Variants in RRP36 observed in about 807,000 individuals in gnomAD.
The protein encoded by RRP36 is ribosomal RNA processing protein 36 homolog.
In RRP36, 44 loss-of-function variants were observed where a neutral mutation model predicts 39.8. The ratio of observed to expected loss-of-function variants is 1.10; its 90% CI spans 0.87 to 1.42. The LOEUF (loss-of-function observed/expected upper bound fraction) is 1.42, where lower values mean the gene tolerates loss of function less well. RRP36 is among the 40% of genes most tolerant of loss of function. RRP36 has a pLI of 0.00. For missense variants in RRP36, 316 were observed against 322.4 expected (o/e 0.98, Z 0.15); for synonymous variants, 124 against 123.1 (o/e 1.01, Z -0.05).
chr6:43,022,331 C>T (rs1380671768), intron 1 of RRP36, among the ~76,000 whole-genome samples: 1 of 152,056 alleles, frequency 6.6e-6, no homozygotes, highest in African/African-American at 2.4e-5. Context: ...ATCTCCTGAC[C>T]TCGTGATCCG....
Position 43,021,687 on chromosome 6 carries a change from G to T in RRP36, c.33G>T (p.Gly11=). The change falls in exon 1 of 7, where the codon GGG becomes GGT. Residue 11 remains glycine, a synonymous_variant. Transcript: ENST00000244496. MPGANYRAGA[G]AGAGARRPRG... ...GAGCTAACTACCGCGCCGGGGCCGG[G>T]GCCGGGGCCGGGGCCCGACGTCCCC... 4.9e-6 allele frequency: 6 copies of T among 1,237,078 alleles called. No homozygotes were observed. Among genetic ancestry groups the T allele is most frequent in the Admixed American group, 4.1e-5 (1 of 24,180 alleles). The allele number at this position is 1,237,078 out of a possible 1,614,324, so 76.6% of individuals were successfully genotyped here. A position where few individuals can be genotyped will look rare whatever the true frequency, so the allele number is the denominator to read the frequency against.
Position 43,025,242 on chromosome 6 carries a change from TGGCTTTTAATTTCTCCATA to T in RRP36, c.279-17_280del. 6.2e-7 allele frequency: 1 copy of T among 1,614,108 alleles called. No individual in the cohort carries two copies. Among genetic ancestry groups the T allele is most frequent in the Non-Finnish European group, 8.5e-7 (1 of 1,179,990 alleles). On this transcript the variant is annotated splice_acceptor_variant and splice_polypyrimidine_tract_variant and intron_variant, in intron 2 of 6. Coordinates refer to ENST00000244496, the MANE Select transcript of RRP36 (RefSeq NM_033112.4). LOFTEE classifies it high-confidence loss of function. ...GACCAACACTGGAGTCCTCTTGACT[TGGCTTTTAATTTCTCCATA>T]GGCCTCTGGAAATGTCAGCCAAGAT... is the stretch of plus-strand genomic sequence containing the variant.
Position 43,026,060 on chromosome 6 carries a change from T to C in RRP36, c.369T>C (p.Asp123=). 2 of 1,613,692 alleles carry C rather than the reference T, an allele frequency of 1.2e-6. No individual in the cohort carries two copies. The highest frequency in any genetic ancestry group is 1.1e-5 in the South Asian group (1 of 91,052). Residue 123 remains aspartate (D), a synonymous_variant, in exon 4 of 7, where the codon GAT becomes GAC. Coordinates refer to ENST00000244496, the MANE Select transcript of RRP36 (RefSeq NM_033112.4). ...SKKVARDPRF[D]DLSGEYNPEV... ...AGGTAGCCCGGGACCCTCGCTTTGA[T>C]GATCTGTCAGGGGAATATAATCCTG...
rs752417237 is a variant in RRP36 at position 43,027,351 on chromosome 6, G to A, written c.526-9G>A. On this transcript the variant is annotated splice_polypyrimidine_tract_variant and intron_variant, in intron 5 of 6. Transcript: ENST00000244496. ...CCTCCCGTTCACCCATCTCATCTTT[G>A]CTCCTCAGGAGCAGCAAGAAATGGC... 3.7e-6 allele frequency: 6 copies of A among 1,614,114 alleles called. No homozygotes were observed. In the South Asian group the frequency reaches 6.6e-5, roughly 18 times the overall value.
At chr6:43,028,241 G>A (rs1762853650) in intron 6 of RRP36, among the ~76,000 whole-genome samples, 1 of 151,720 alleles carries the variant, frequency 6.6e-6, no homozygotes, top group South Asian at 2.1e-4. Context: ...GAGGCAGGAG[G>A]ATCACTTGAG....
chr6:43,028,621 C>G (rs1380761671), intron 6 of RRP36, among the ~76,000 whole-genome samples: 1 of 149,730 alleles, frequency 6.7e-6, no homozygotes, highest in Non-Finnish European at 1.5e-5. Context: ...GCACTTCAGC[C>G]TGGGTGACAG....
intron 6 of RRP36, among the ~76,000 whole-genome samples, chr6:43,027,936 C>T (rs1383314633): frequency 3.9e-5 from 6 of 151,962 alleles, no homozygotes. Context: ...AGTTTTGTTT[C>T]TTGGTCTACA....
intron 6 of RRP36, among the ~76,000 whole-genome samples, chr6:43,027,917 C>T (rs7763101): frequency 5.3e-5 from 8 of 151,666 alleles, no homozygotes; most frequent in South Asian, 2.1e-4. Context: ...CACACACACA[C>T]ACACAATCAG....
At chr6:43,026,778 G>A (rs1762819096) in intron 4 of RRP36, among the ~76,000 whole-genome samples, 1 of 151,994 alleles carries the variant, frequency 6.6e-6, no homozygotes, top group Non-Finnish European at 1.5e-5. Context: ...GCCGAGGCAG[G>A]TGGATCACGA....
rs1219326852 is a variant in RRP36, at chr6:43,025,622, CAAA to C, written c.345+314_345+316del. ...TGTGGGACAGAGTAAGACTCTGTCT[CAAA>C]AAAAAAAAAAAAAAAAAAAATAGAG... On this transcript the variant is annotated intron_variant, in intron 3 of 6. Transcript: ENST00000244496. Among the ~76,000 whole-genome samples, 256 of 63,700 alleles carry C rather than the reference CAAA, an allele frequency of 4.0e-3. 1 individual carries two copies. The highest frequency in any genetic ancestry group is 0.012 in the African/African-American group (223 of 19,072). 41.8% of individuals were successfully genotyped at this position (63,700 alleles called of 152,430 possible). A position where few individuals can be genotyped will look rare whatever the true frequency, so the allele number is the denominator to read the frequency against.
At chr6:43,026,833 C>T (rs935664017) in intron 4 of RRP36, among the ~76,000 whole-genome samples, 4 of 151,798 alleles carry the variant, frequency 2.6e-5, no homozygotes, top group African/African-American at 4.8e-5. Context: ...TGAAATTAGT[C>T]TCTACTAAAA....
Position 43,025,142 on chromosome 6 carries a change from G to T in RRP36, c.278+10G>T, listed in dbSNP as rs1704472096. 5.0e-6 allele frequency: 8 copies of T among 1,613,880 alleles called. No homozygotes were observed. The highest frequency in any genetic ancestry group is 1.1e-5 in the South Asian group (1 of 91,080). On this transcript the variant is annotated intron_variant, in intron 2 of 6. Coordinates refer to ENST00000244496, the MANE Select transcript of RRP36 (RefSeq NM_033112.4). ...TTGCAGATAAGCACAGGTAAGCAAGGCTTGCCCTAGAAGTTGGAAGATAAC... is the reference window on the plus strand; with the variant it reads ...TTGCAGATAAGCACAGGTAAGCAAGTCTTGCCCTAGAAGTTGGAAGATAAC...
At position 43,021,675 on chromosome 6, in the gene RRP36, C is replaced by CGCCGGGGCCGGGGCCGGG. The variant is rs200886831; in HGVS notation, c.31_48dup (p.Gly11_Ala16dup). The stretch of plus-strand genomic sequence containing the variant: ...AGCTGATGCCGGGAGCTAACTACCG[C>CGCCGGGGCCGGGGCCGGG]GCCGGGGCCGGGGCCGGGGCCGGGG... On this transcript the variant is annotated inframe_insertion, in exon 1 of 7. Coordinates refer to ENST00000244496, the MANE Select transcript of RRP36 (RefSeq NM_033112.4). 2 of 1,252,752 alleles carry CGCCGGGGCCGGGGCCGGG rather than the reference C, an allele frequency of 1.6e-6. No homozygotes were observed. Among genetic ancestry groups the CGCCGGGGCCGGGGCCGGG allele is most frequent in the Non-Finnish European group, 2.0e-6 (2 of 998,990 alleles). The allele number at this position is 1,252,752 out of a possible 1,614,324, so 77.6% of individuals were successfully genotyped here.
At chr6:43,022,608 T>C (rs1762743448) in intron 1 of RRP36, among the ~76,000 whole-genome samples, 4 of 149,286 alleles carry the variant, frequency 2.7e-5, no homozygotes, top group South Asian at 4.2e-4. Context: ...TATTTATTTA[T>C]TTAATGTAGA....
intron 6 of RRP36, among the ~76,000 whole-genome samples, chr6:43,027,720 C>G (rs550933012): frequency 1.5e-5 from 2 of 131,534 alleles, no homozygotes; most frequent in East Asian, 2.2e-4. Context: ...CAACCCCCCC[C>G]CCCCAACACA....
chr6:43,028,459 C>T (rs1762856882), intron 6 of RRP36, among the ~76,000 whole-genome samples: 2 of 151,472 alleles, frequency 1.3e-5, no homozygotes, highest in African/African-American at 2.4e-5. Flanking sequence ...ACCAGCCTGG[C>T]AAACATGGTG....
chr6:43,027,664 G>A (rs1762838698), intron 6 of RRP36, among the ~76,000 whole-genome samples, 187 bp downstream of exon 6: 1 of 151,194 alleles, frequency 6.6e-6, no homozygotes, highest in Admixed American at 6.6e-5. Flanking sequence ...ATTAGATCAT[G>A]GCAGGCATTG....
At chr6:43,027,715 C>A (rs1356237869) in intron 6 of RRP36, among the ~76,000 whole-genome samples, 3 of 128,752 alleles carry the variant, frequency 2.3e-5, no homozygotes, top group Admixed American at 1.5e-4. Context: ...CTTCCCAACC[C>A]CCCCCCCCCA....
rs1219326852 is a variant in RRP36 at position 43,025,622 on chromosome 6, CA to C, written c.345+316del. Among the ~76,000 whole-genome samples the C allele has an allele frequency of 8.5e-3, 541 of 63,720 alleles. 3 individuals carry two copies. Among genetic ancestry groups the C allele is most frequent in the African/African-American group, 0.022 (425 of 19,088 alleles). The allele number at this position is 63,720 out of a possible 152,430, so 41.8% of individuals were successfully genotyped here. A position where few individuals can be genotyped will look rare whatever the true frequency, so the allele number is the denominator to read the frequency against. On this transcript the variant is annotated intron_variant, in intron 3 of 6. Coordinates refer to ENST00000244496, the MANE Select transcript of RRP36 (RefSeq NM_033112.4). ...TGTGGGACAGAGTAAGACTCTGTCT[CA>C]AAAAAAAAAAAAAAAAAAAAAATAG...
Sources: gnomAD v4.1 joint callset for allele counts (sites outside exome capture counted in the v4.1 genomes callset) on GRCh38, gnomAD v4.1.1 for gene constraint, MANE v1.5 for transcripts, NCBI Gene and HGNC (gene_info 2026-07-23, HGNC 2026-07-21) for gene names.